The following FGD6 variants were observed in gnomAD, a reference collection of about 807,000 sequenced individuals.
FGD6 encodes FYVE, RhoGEF and PH domain-containing protein 6.
Under a neutral mutation model 149.4 loss-of-function variants are expected in FGD6, and 90 were observed. The observed-to-expected ratio is 0.60, with a 90% CI of 0.51 to 0.72. The LOEUF (loss-of-function observed/expected upper bound fraction) is 0.72. Among genes scored for constraint, FGD6 ranks in the 30% least tolerant of loss-of-function variants. The pLI is 0.00. For missense variants in FGD6, 1,437 were observed against 1,684.8 expected (o/e 0.85, Z 2.57); for synonymous variants, 527 against 584.0 (o/e 0.90, Z 1.41).
intron 19 of FGD6, 79 bp from the exon 20 acceptor site, chr12:95,084,725 G>T: frequency 2.6e-6 from 3 of 1,161,576 alleles, no homozygotes; most frequent in Non-Finnish European, 3.5e-6. Context: ...GATCTACATA[G>T]CTCTAATTTA....
intron 5 of FGD6, among the ~76,000 whole-genome samples, chr12:95,149,228 A>ATATAT (rs1491171773): frequency 1.4e-4 from 3 of 20,774 alleles, no homozygotes; most frequent in African/African-American, 2.9e-4. Flanking sequence ...AATATATAGC[A>ATATAT]TATATATTAT....
At chr12:95,107,695 C>T in intron 11 of FGD6, 64 bp from the exon 12 acceptor site, 3 of 1,550,640 alleles carry the variant, frequency 1.9e-6, no homozygotes, top group Non-Finnish European at 1.8e-6. Context: ...ATATAATTTC[C>T]TTTTCAACTT....
chr12:95,132,639 C>A (rs1469436214), intron 8 of FGD6, among the ~76,000 whole-genome samples: 1 of 152,044 alleles, frequency 6.6e-6, no homozygotes, highest in African/African-American at 2.4e-5. Flanking sequence ...GTAGTCCCAG[C>A]TACTCGGGAG....
chr12:95,091,010 G>A (rs774107388), intron 17 of FGD6, among the ~76,000 whole-genome samples: 2 of 152,196 alleles, frequency 1.3e-5, no homozygotes, highest in East Asian at 1.9e-4. Context: ...GCTGAGGTAC[G>A]AGAATCGCTT....
chr12:95,133,754 T>A (rs1021091275), intron 8 of FGD6, among the ~76,000 whole-genome samples: 2 of 152,194 alleles, frequency 1.3e-5, no homozygotes, highest in Non-Finnish European at 2.9e-5. Flanking sequence ...CCAGAGACCC[T>A]AGTAGTAGGT....
At chr12:95,196,512 G>A (rs1358982992) in intron 2 of FGD6, among the ~76,000 whole-genome samples, 1 of 151,418 alleles carries the variant, frequency 6.6e-6, no homozygotes, top group Non-Finnish European at 1.5e-5. Context: ...TTACAGGCGT[G>A]AGCCACTGCA....
rs1878185776 is a variant in FGD6, at chr12:95,094,826, A to T, written c.3498-132T>A. The T allele has an allele frequency of 1.1e-5, 7 of 654,728 alleles. No homozygotes were observed. The East Asian group carries it at 1.8e-4, about 17-fold the overall frequency. The allele number at this position is 654,728 out of a possible 1,614,324, so 40.6% of individuals were successfully genotyped here. On this transcript the variant is annotated intron_variant, in intron 14 of 20. Coordinates refer to ENST00000343958, the MANE Select transcript of FGD6 (RefSeq NM_018351.4). ...CCAGTCAAAAAAGTAGCAACTCCTCAGAGTTGAGGCAGGTTTAGTGAACAG... is the reference window on the plus strand; with the variant it reads ...CCAGTCAAAAAAGTAGCAACTCCTCTGAGTTGAGGCAGGTTTAGTGAACAG...
rs145691832 is a variant in FGD6 at position 95,209,303 on chromosome 12, G to A, written c.1981C>T (p.His661Tyr). 103 of 1,613,788 alleles carry A rather than the reference G, an allele frequency of 6.4e-5. No individual in the cohort carries two copies. Among genetic ancestry groups the A allele is most frequent in the Middle Eastern group, 1.6e-4 (1 of 6,084 alleles). The change falls in exon 2 of 21, where the codon CAC becomes TAC. Residue 661 changes from histidine (H) to tyrosine (Y), a missense_variant. By Grantham distance (83) the His-to-Tyr change is moderately conservative (BLOSUM62 2). Transcript: ENST00000343958. ...CCCTTCTGCTCCCCACTGGAGAGGTGGCCTGTGGTGGTGTCTCCGAGTTGG... is the reference window on the plus strand; with the variant it reads ...CCCTTCTGCTCCCCACTGGAGAGGTAGCCTGTGGTGGTGTCTCCGAGTTGG... The part of the protein sequence containing the change: ...SSQLGDTTTG[H>Y]LSSGEQKGIE...
At position 95,208,185 on chromosome 12, in the gene FGD6, G is replaced by A. The variant is rs551807054; in HGVS notation, c.2441+658C>T. ...GAGGACTCCTTGAGCCTGGGGAGTC[G>A]AGGCTGCAGTAAGCCATGATCATAC... On this transcript the variant is annotated intron_variant, in intron 2 of 20. Transcript: ENST00000343958. Among the ~76,000 whole-genome samples the A allele has an allele frequency of 2.0e-5, 3 of 152,130 alleles. No individual in the cohort carries two copies. In the East Asian group the frequency reaches 5.8e-4, roughly 29 times the overall value.
intron 8 of FGD6, among the ~76,000 whole-genome samples, chr12:95,120,479 G>A (rs1190305301): frequency 6.6e-6 from 1 of 151,818 alleles, no homozygotes; most frequent in Non-Finnish European, 1.5e-5. Flanking sequence ...CTGAGGTCAG[G>A]AGTTCAAGAC....
At chr12:95,198,962 T>G (rs1881796501) in intron 2 of FGD6, among the ~76,000 whole-genome samples, 1 of 144,066 alleles carries the variant, frequency 6.9e-6, no homozygotes, top group South Asian at 2.3e-4. Flanking sequence ...ATCACCATTT[T>G]AAAAACAGCC....
In FGD6 at chr12:95,076,882, T is replaced by C. The variant is rs899500130; in HGVS notation, c.*4638A>G. On this transcript the variant is annotated 3_prime_UTR_variant, in exon 21 of 21. Coordinates refer to ENST00000343958, the MANE Select transcript of FGD6 (RefSeq NM_018351.4). ...TTTAAGTACAAAGTATTTCTAGAAA[T>C]ACATTATAAGCCATTAAAAAAAAAA... 12 of 151,590 alleles carry C rather than the reference T, an allele frequency of 7.9e-5. No homozygotes were observed. In the East Asian group the frequency reaches 2.1e-3, roughly 27 times the overall value. 9.4% of individuals were successfully genotyped at this position (151,590 alleles called of 1,614,324 possible).
intron 20 of FGD6, 35 bp downstream of exon 20, chr12:95,084,463 C>A: frequency 1.3e-6 from 2 of 1,483,806 alleles, no homozygotes; most frequent in South Asian, 1.5e-5. Flanking sequence ...ACTGAAATCT[C>A]ATGAATAAAA....
chr12:95,077,659 T>C lies in FGD6; in HGVS notation c.*3861A>G, dbSNP rs1877539464. ...ACAACGGCATTGGAATTAGAAGTTA[T>C]TGCAATAATGGGAACAAGTAACAAG... is the stretch of plus-strand genomic sequence containing the variant. On this transcript the variant is annotated 3_prime_UTR_variant, in exon 21 of 21. Coordinates refer to ENST00000343958, the MANE Select transcript of FGD6 (RefSeq NM_018351.4). 6.6e-6 allele frequency: 1 copy of C among 152,198 alleles called. No homozygotes were observed. Among genetic ancestry groups the C allele is most frequent in the Non-Finnish European group, 1.5e-5 (1 of 68,048 alleles). 9.4% of individuals were successfully genotyped at this position (152,198 alleles called of 1,614,324 possible). A position where few individuals can be genotyped will look rare whatever the true frequency, so the allele number is the denominator to read the frequency against.
chr12:95,084,447 TA>T, intron 20 of FGD6, 50 bp downstream of exon 20: 1 of 1,445,506 alleles, frequency 6.9e-7, no homozygotes, highest in Non-Finnish European at 9.1e-7. Context: ...AAGCAACCAT[TA>T]AAAAACTGAA....
intron 6 of FGD6, among the ~76,000 whole-genome samples, chr12:95,138,492 C>T (rs967859905): frequency 1.3e-5 from 2 of 150,954 alleles, no homozygotes; most frequent in African/African-American, 4.9e-5. Context: ...TGCAGCGAGC[C>T]GAGATTGTGC....
intron 18 of FGD6, among the ~76,000 whole-genome samples, chr12:95,088,666 A>C (rs1172276227): frequency 6.6e-6 from 1 of 152,250 alleles, no homozygotes; most frequent in African/African-American, 2.4e-5. Flanking sequence ...AATAGCCAAA[A>C]GGTGGAAACA....
intron 14 of FGD6, 152 bp downstream of exon 14, chr12:95,104,855 G>A: frequency 3.2e-6 from 2 of 628,750 alleles, no homozygotes; most frequent in South Asian, 4.1e-5. Context: ...GGAGGCTGCA[G>A]TGAGCCGTGA....
At position 95,113,681 on chromosome 12, in the gene FGD6, C is replaced by T. The variant is rs141419405; in HGVS notation, c.3103G>A (p.Glu1035Lys). 2.5e-6 allele frequency: 4 copies of T among 1,593,438 alleles called. No individual in the cohort carries two copies. The highest frequency in any genetic ancestry group is 1.4e-5 in the African/African-American group (1 of 73,378). Residue 1035 changes from glutamate (E) to lysine (K), a missense_variant, in exon 9 of 21, where the codon GAA (glutamate) becomes AAA (lysine). Glu to Lys is a moderately conservative substitution (Grantham distance 56). Coordinates refer to ENST00000343958, the MANE Select transcript of FGD6 (RefSeq NM_018351.4). ...GTGTCTCTGTAATCTCCAGCATCTTCTATGAGATTCTTCAAATAATCTAGA... is the reference window on the plus strand; with the variant it reads ...GTGTCTCTGTAATCTCCAGCATCTTTTATGAGATTCTTCAAATAATCTAGA... ...LLTDYLKNLI[E>K]DAGDYRDTQD...
Sources: allele counts gnomAD v4.1 joint callset (sites outside exome capture counted in the v4.1 genomes callset), GRCh38; gene constraint gnomAD v4.1.1; transcripts MANE v1.5; gene names NCBI Gene and HGNC (gene_info 2026-07-23, HGNC 2026-07-21).